The following GADL1 variants were observed in gnomAD, a reference collection of about 807,000 sequenced individuals.
The protein encoded by GADL1 is acidic amino acid decarboxylase GADL1.
GADL1 carries 71 observed loss-of-function variants against 69.5 expected under a neutral mutation model. The ratio of observed to expected loss-of-function variants is 1.02; its 90% CI spans 0.84 to 1.25. The LOEUF is 1.25. GADL1 is among the 50% of genes most tolerant of loss of function. The pLI is 0.00. For missense variants in GADL1, 737 were observed against 631.8 expected (o/e 1.17, Z -1.79); for synonymous variants, 254 against 214.4 (o/e 1.18, Z -1.62).
rs1330211380 is a variant in GADL1, at chr3:30,850,052, T to C, written c.595A>G (p.Ile199Val). 6.2e-7 allele frequency: 1 copy of C among 1,612,282 alleles called. No individual in the cohort carries two copies. Among genetic ancestry groups the C allele is most frequent in the East Asian group, 2.2e-5 (1 of 44,786 alleles). The change falls in exon 6 of 15, where the codon ATT (isoleucine) becomes GTT (valine). Residue 199 changes from isoleucine to valine, a missense_variant. Coordinates refer to ENST00000282538, the MANE Select transcript of GADL1 (RefSeq NM_207359.3). ...GAACCAGACAGCCCCTTTTCCTTAA[T>C]ATCAGGACAATATTTGTATCTAGCT... ...NLARYKYCPDIKEKGLSGSPR... is the reference protein window; with the variant it reads ...NLARYKYCPDVKEKGLSGSPR...
At position 30,834,241 on chromosome 3, in the gene GADL1, C is replaced by G; in HGVS notation, c.944G>C (p.Arg315Pro). ...GGSALMSRKH[R>P]KLLHGIHRAD... ...CCTGTGGATGCCATGCAGAAGCTTG[C>G]GGTGCTTCCTCGACATCAAAGCTGA... is the stretch of plus-strand genomic sequence containing the variant. Residue 315 changes from arginine to proline, a missense_variant, in exon 10 of 15, where the codon CGC becomes CCC. Transcript: ENST00000282538. The G allele has an allele frequency of 6.2e-7, 1 of 1,612,762 alleles. No individual in the cohort carries two copies. Among genetic ancestry groups the G allele is most frequent in the Non-Finnish European group, 8.5e-7 (1 of 1,179,118 alleles).
At chr3:30,828,271 GA>G (rs1367564883) in intron 11 of GADL1, among the ~76,000 whole-genome samples, 2 of 151,774 alleles carry the variant, frequency 1.3e-5, no homozygotes, top group Non-Finnish European at 2.9e-5. Context: ...ATTCAGAACA[GA>G]AACGAAAATG....
At chr3:30,803,426 T>C (rs1408391590) in intron 11 of GADL1, among the ~76,000 whole-genome samples, 1 of 152,010 alleles carries the variant, frequency 6.6e-6, no homozygotes, top group Non-Finnish European at 1.5e-5. Context: ...ATTATGATTA[T>C]AAATTTACTG....
At chr3:30,873,945 A>C (rs1251738741) in intron 1 of GADL1, among the ~76,000 whole-genome samples, 1 of 151,956 alleles carries the variant, frequency 6.6e-6, no homozygotes, top group Non-Finnish European at 1.5e-5. Flanking sequence ...TAGAGTTACT[A>C]AATGTGATTG....
chr3:30,848,212 T>C (rs1698087383), intron 6 of GADL1, among the ~76,000 whole-genome samples: 1 of 152,176 alleles, frequency 6.6e-6, no homozygotes, highest in African/African-American at 2.4e-5. Flanking sequence ...CCAAACATTC[T>C]TCTCTTGGTA....
intron 13 of GADL1, chr3:30,779,149 A>C (rs1244944677): frequency 6.6e-6 from 1 of 152,218 alleles, no homozygotes; most frequent in African/African-American, 2.4e-5. Flanking sequence ...CTTTGTCCTC[A>C]CTGGACAAAA....
chr3:30,806,760 A>C (rs56810363), intron 11 of GADL1, among the ~76,000 whole-genome samples: 8,936 of 152,248 alleles, frequency 0.059, 623 homozygotes, highest in African/African-American at 0.15. Context: ...GACAGATGAG[A>C]GAACAGAACT....
chr3:30,731,601 G>A (rs769248601), intron 14 of GADL1, among the ~76,000 whole-genome samples: 8 of 152,100 alleles, frequency 5.3e-5, no homozygotes, highest in Non-Finnish European at 1.5e-5. Flanking sequence ...TGTGTAAAGC[G>A]CATGACTGTA....
intron 14 of GADL1, among the ~76,000 whole-genome samples, chr3:30,764,603 A>G (rs1696225191): frequency 6.6e-6 from 1 of 152,184 alleles, no homozygotes; most frequent in South Asian, 2.1e-4. Context: ...CCAAGCACCA[A>G]GAACAGTGGA....
intron 14 of GADL1, among the ~76,000 whole-genome samples, chr3:30,771,053 C>T (rs1049208169): frequency 1.2e-4 from 19 of 152,100 alleles, no homozygotes; most frequent in African/African-American, 4.6e-4. Context: ...GTTAAACATG[C>T]GCATACAACA....
chr3:30,734,798 C>G (rs1163650282), intron 14 of GADL1, among the ~76,000 whole-genome samples: 1 of 152,138 alleles, frequency 6.6e-6, no homozygotes, highest in African/African-American at 2.4e-5. Context: ...TTTGCCCTCC[C>G]AACACAGCTT....
chr3:30,869,445 C>CT (rs1424714264), intron 1 of GADL1, among the ~76,000 whole-genome samples: 1 of 151,810 alleles, frequency 6.6e-6, no homozygotes, highest in Non-Finnish European at 1.5e-5. Context: ...AGCTCTGAAG[C>CT]TTTGGGTAAT....
intron 14 of GADL1, among the ~76,000 whole-genome samples, chr3:30,748,610 C>A (rs960687270): frequency 3.9e-5 from 6 of 152,172 alleles, no homozygotes; most frequent in Admixed American, 3.3e-4. Context: ...GTGTAAGAGG[C>A]TTTAGCTATC....
At chr3:30,747,530 A>G (rs1695725414) in intron 14 of GADL1, among the ~76,000 whole-genome samples, 1 of 152,206 alleles carries the variant, frequency 6.6e-6, no homozygotes. Flanking sequence ...TTCTTTGGAC[A>G]TCTGTGCAGA....
chr3:30,730,274 T>TA (rs112629630), intron 14 of GADL1, among the ~76,000 whole-genome samples: 6 of 151,992 alleles, frequency 3.9e-5, no homozygotes, highest in Non-Finnish European at 5.9e-5. Context: ...TAAAATCTAG[T>TA]AAAAAAATAT....
At chr3:30,888,195 A>G (rs940559894) in intron 1 of GADL1, among the ~76,000 whole-genome samples, 4 of 152,180 alleles carry the variant, frequency 2.6e-5, no homozygotes, top group African/African-American at 7.2e-5. Flanking sequence ...GCAGCTAGGA[A>G]GGGCCAACTG....
Position 30,782,261 on chromosome 3 carries a change from AGTT to A in GADL1, c.1303-3996_1303-3994del, listed in dbSNP as rs1696681961. On this transcript the variant is annotated intron_variant, in intron 13 of 14. Transcript: ENST00000282538. ...AAAGCTGCTCTAGCAGCAGTGTGGC[AGTT>A]AGGCTGGAGGGATCTAAGACTGGAA... Among the ~76,000 whole-genome samples, 4 of 152,296 alleles carry A rather than the reference AGTT, an allele frequency of 2.6e-5. No individual in the cohort carries two copies. In the South Asian group the frequency reaches 8.3e-4, roughly 32 times the overall value.
chr3:30,812,413 A>ATGG (rs1164963114), intron 11 of GADL1, among the ~76,000 whole-genome samples: 2 of 152,230 alleles, frequency 1.3e-5, no homozygotes, highest in Non-Finnish European at 2.9e-5. Flanking sequence ...CCTCATAATC[A>ATGG]TGGTGGAAGG....
At chr3:30,750,027 T>C (rs959645548) in intron 14 of GADL1, among the ~76,000 whole-genome samples, 21 of 152,196 alleles carry the variant, frequency 1.4e-4, no homozygotes, top group Admixed American at 1.2e-3. Flanking sequence ...CAGCTGTGTG[T>C]TGTGTAGGCA....
Sources: gnomAD v4.1 joint callset for allele counts (sites outside exome capture counted in the v4.1 genomes callset) on GRCh38, gnomAD v4.1.1 for gene constraint, MANE v1.5 for transcripts, NCBI Gene and HGNC (gene_info 2026-07-23, HGNC 2026-07-21) for gene names.